Variants in RALGPS2 observed in about 807,000 individuals in gnomAD.
The protein encoded by RALGPS2 is ras-specific guanine nucleotide-releasing factor RalGPS2.
In RALGPS2, 43 loss-of-function variants were observed where a neutral mutation model predicts 86.8. The ratio of observed to expected loss-of-function variants is 0.50; its 90% CI spans 0.39 to 0.64. The LOEUF is 0.64. Ranked by LOEUF, RALGPS2 falls within the 30% of genes least tolerant of loss-of-function variation. RALGPS2 has a pLI of 0.00. For synonymous variants in RALGPS2, 243 were observed against 231.3 expected, an observed-to-expected ratio of 1.05 and a Z score of -0.46; for missense variants, 536 against 694.6, an observed-to-expected ratio of 0.77 and a Z score of 2.57.
chr1:178,758,902 T>C (rs1015470808), intron 1 of RALGPS2, among the ~76,000 whole-genome samples: 2 of 152,218 alleles, frequency 1.3e-5, no homozygotes, highest in Non-Finnish European at 2.9e-5. Flanking sequence ...CTTTTGCCCA[T>C]TTAAAAAATC....
chr1:178,865,028 A>C, intron 8 of RALGPS2: 1 of 1,491,804 alleles, frequency 6.7e-7, no homozygotes, highest in Non-Finnish European at 8.9e-7. Context: ...AGGTGGTGGC[A>C]TTAAATCTCT....
chr1:178,788,225 C>T (rs1205949783), intron 4 of RALGPS2, among the ~76,000 whole-genome samples: 1 of 152,200 alleles, frequency 6.6e-6, no homozygotes, highest in African/African-American at 2.4e-5. Flanking sequence ...GCACTCTATA[C>T]TTTTTCACTG....
chr1:178,731,396 C>A (rs1171706911), intron 1 of RALGPS2, among the ~76,000 whole-genome samples: 1 of 149,034 alleles, frequency 6.7e-6, no homozygotes, highest in African/African-American at 2.5e-5. Context: ...GATCCTCCTG[C>A]CTCAGCCTCC....
intron 2 of RALGPS2, among the ~76,000 whole-genome samples, chr1:178,780,620 A>G (rs1363744180): frequency 6.6e-6 from 1 of 152,148 alleles, no homozygotes; most frequent in East Asian, 1.9e-4. Context: ...GAAACTTAAC[A>G]GTCTAATGAG....
intron 4 of RALGPS2, among the ~76,000 whole-genome samples, chr1:178,807,007 C>T (rs1052734642): frequency 1.3e-5 from 2 of 152,120 alleles, no homozygotes; most frequent in African/African-American, 4.8e-5. Flanking sequence ...GCTTCTTTGC[C>T]CTTAATGTAT....
intron 8 of RALGPS2, among the ~76,000 whole-genome samples, chr1:178,864,773 T>A (rs944665268): frequency 2.0e-5 from 3 of 152,140 alleles, no homozygotes; most frequent in Non-Finnish European, 4.4e-5. Context: ...CTCCTGGAAC[T>A]TCAGAGCTGG....
intron 8 of RALGPS2, among the ~76,000 whole-genome samples, chr1:178,841,460 C>A (rs1307643330): frequency 8.7e-6 from 1 of 115,216 alleles, no homozygotes; most frequent in South Asian, 3.3e-4. Context: ...ACCCTTCATG[C>A]TAAAAACTCC....
chr1:178,857,364 G>A (rs567711238), intron 8 of RALGPS2, among the ~76,000 whole-genome samples: 4 of 152,260 alleles, frequency 2.6e-5, no homozygotes, highest in African/African-American at 9.6e-5. Context: ...TTCAAGAAAT[G>A]TCTTTTCTGC....
intron 8 of RALGPS2, among the ~76,000 whole-genome samples, chr1:178,838,203 T>C (rs1656384588): frequency 1.3e-5 from 2 of 152,192 alleles, no homozygotes; most frequent in African/African-American, 2.4e-5. Flanking sequence ...GAGTTTGAGA[T>C]CTGAGAACAG....
Position 178,785,623 on chromosome 1 carries a change from A to T in RALGPS2, c.213+16A>T, listed in dbSNP as rs1653613111. On this transcript the variant is annotated intron_variant, in intron 4 of 19. Coordinates refer to ENST00000367635, the MANE Select transcript of RALGPS2 (RefSeq NM_152663.5). ...TCAACCAGATGTAAGTAGTTTTGAG[A>T]ATGTTCCTTTTAAATATAGAAAACG... is the stretch of plus-strand genomic sequence containing the variant. 1.3e-6 allele frequency: 2 copies of T among 1,562,042 alleles called. No individual in the cohort carries two copies. The highest frequency in any genetic ancestry group is 4.7e-5 in the East Asian group (2 of 42,212).
chr1:178,860,134 CCTACAAGGAATAAA>C (rs1168972396), intron 8 of RALGPS2, among the ~76,000 whole-genome samples: 1 of 152,066 alleles, frequency 6.6e-6, no homozygotes, highest in Non-Finnish European at 1.5e-5. Context: ...ACTCAGCTCT[CCTACAAGGAATAAA>C]CTTGTTTTTA....
chr1:178,905,965 A>T (rs1355730651), intron 18 of RALGPS2, among the ~76,000 whole-genome samples: 1 of 152,248 alleles, frequency 6.6e-6, no homozygotes, highest in East Asian at 1.9e-4. Flanking sequence ...ACTAAAGACT[A>T]AAAGCATAGT....
chr1:178,729,160 C>CGAAA (rs1650198269), intron 1 of RALGPS2, among the ~76,000 whole-genome samples: 1 of 151,692 alleles, frequency 6.6e-6, no homozygotes, highest in Non-Finnish European at 1.5e-5. Context: ...CCTTTTTTTT[C>CGAAA]AGAACAGATT....
At chr1:178,737,633 A>G (rs1392433600) in intron 1 of RALGPS2, among the ~76,000 whole-genome samples, 1 of 152,140 alleles carries the variant, frequency 6.6e-6, no homozygotes, top group African/African-American at 2.4e-5. Flanking sequence ...GTCAGAATAT[A>G]TTTTAAAATT....
intron 2 of RALGPS2, among the ~76,000 whole-genome samples, chr1:178,780,158 C>CATATTCT (rs1221104610): frequency 2.6e-5 from 4 of 152,126 alleles, no homozygotes; most frequent in Non-Finnish European, 5.9e-5. Flanking sequence ...TCTCCTTTTC[C>CATATTCT]ATATTCTGCT....
chr1:178,774,562 G>A (rs1031320574), intron 1 of RALGPS2, among the ~76,000 whole-genome samples: 13 of 152,194 alleles, frequency 8.5e-5, no homozygotes, highest in African/African-American at 2.9e-4. Flanking sequence ...TGAGTGCTAT[G>A]TTCAAAGAGA....
At chr1:178,902,029 AC>A in intron 17 of RALGPS2, 76 bp from the exon 18 acceptor site, 1 of 1,017,622 alleles carries the variant, frequency 9.8e-7, no homozygotes, top group Non-Finnish European at 1.5e-6. Flanking sequence ...AACTGAAAAT[AC>A]ACTCCCTAAC....
chr1:178,768,506 C>G (rs185899431), intron 1 of RALGPS2, among the ~76,000 whole-genome samples: 108 of 152,302 alleles, frequency 7.1e-4, no homozygotes, highest in Middle Eastern at 3.4e-3. Context: ...TGCAGTTCTA[C>G]CTATCAGCCA....
chr1:178,914,050 G>A (rs1660722647), intron 19 of RALGPS2, among the ~76,000 whole-genome samples: 1 of 152,184 alleles, frequency 6.6e-6, no homozygotes, highest in South Asian at 2.1e-4. Context: ...TGCTCCCATG[G>A]GAGTGGCCAA....
Sources: allele counts gnomAD v4.1 joint callset (sites outside exome capture counted in the v4.1 genomes callset), GRCh38; gene constraint gnomAD v4.1.1; transcripts MANE v1.5; gene names NCBI Gene and HGNC (gene_info 2026-07-23, HGNC 2026-07-21).